Variants in DNER observed in about 807,000 individuals in gnomAD.
DNER encodes the protein delta and Notch-like epidermal growth factor-related receptor.
DNER carries 33 observed loss-of-function variants against 78.2 expected under a neutral mutation model. The ratio of observed to expected loss-of-function variants is 0.42; its 90% CI spans 0.32 to 0.56. The LOEUF is 0.56. Among genes scored for constraint, DNER ranks in the 20% least tolerant of loss-of-function variants. The pLI is 0.11. For missense variants in DNER, 918 were observed against 975.3 expected (o/e 0.94, Z 0.78); for synonymous variants, 417 against 384.8 (o/e 1.08, Z -0.98).
chr2:229,620,787 G>A (rs2154215477), intron 1 of DNER, among the ~76,000 whole-genome samples: 1 of 152,336 alleles, frequency 6.6e-6, no homozygotes, highest in South Asian at 2.1e-4. Context: ...GGGGTGATGA[G>A]ATGAAAAAGA....
intron 7 of DNER, among the ~76,000 whole-genome samples, chr2:229,454,315 G>A (rs891530001): frequency 1.3e-5 from 2 of 152,200 alleles, no homozygotes; most frequent in African/African-American, 2.4e-5. Context: ...ACAGGCCAGA[G>A]GGAGATTTTT....
At chr2:229,506,900 A>G (rs879301292) in intron 6 of DNER, among the ~76,000 whole-genome samples, 1 of 152,214 alleles carries the variant, frequency 6.6e-6, no homozygotes, top group Non-Finnish European at 1.5e-5. Flanking sequence ...TGATGGGGAT[A>G]TGTTTTAAGA....
intron 1 of DNER, among the ~76,000 whole-genome samples, chr2:229,631,512 A>G (rs1303408117): frequency 6.6e-6 from 1 of 152,220 alleles, no homozygotes; most frequent in Non-Finnish European, 1.5e-5. Flanking sequence ...GGGGAGTAGA[A>G]TTAGATCAGA....
At chr2:229,688,806 T>G (rs1699525240) in intron 1 of DNER, among the ~76,000 whole-genome samples, 1 of 152,132 alleles carries the variant, frequency 6.6e-6, no homozygotes, top group South Asian at 2.1e-4. Context: ...TGGAATACTA[T>G]GCAGCCATAA....
At chr2:229,413,530 C>T (rs1026907315) in intron 9 of DNER, among the ~76,000 whole-genome samples, 6 of 151,180 alleles carry the variant, frequency 4.0e-5, no homozygotes, top group African/African-American at 1.5e-4. Context: ...ACCATGTTAG[C>T]CAGGCTGGTC....
chr2:229,620,185 A>C (rs1335714680), intron 1 of DNER, among the ~76,000 whole-genome samples: 2 of 152,212 alleles, frequency 1.3e-5, no homozygotes, highest in Non-Finnish European at 2.9e-5. Flanking sequence ...CCTGGGCCGG[A>C]ATGTGATATG....
At chr2:229,483,253 A>G (rs181952855) in intron 6 of DNER, among the ~76,000 whole-genome samples, 2 of 152,356 alleles carry the variant, frequency 1.3e-5, no homozygotes, top group African/African-American at 4.8e-5. Context: ...TTGGGTCAAG[A>G]ACCACAGTTA....
chr2:229,413,249 C>T (rs991719748), intron 9 of DNER, among the ~76,000 whole-genome samples: 1 of 150,830 alleles, frequency 6.6e-6, no homozygotes, highest in African/African-American at 2.4e-5. Flanking sequence ...ACAATAATTG[C>T]AGCATTATAG....
At chr2:229,371,424 G>A (rs1476301300) in intron 11 of DNER, among the ~76,000 whole-genome samples, 1 of 152,236 alleles carries the variant, frequency 6.6e-6, no homozygotes, top group African/African-American at 2.4e-5. Flanking sequence ...ATCAGCCCCA[G>A]CAGGTGCATG....
At chr2:229,515,612 C>T (rs945070856) in intron 5 of DNER, among the ~76,000 whole-genome samples, 4 of 151,240 alleles carry the variant, frequency 2.6e-5, no homozygotes, top group African/African-American at 9.7e-5. Context: ...TTGAGAGCCC[C>T]AAATCAAATA....
intron 1 of DNER, among the ~76,000 whole-genome samples, chr2:229,613,044 C>T (rs7426347): frequency 0.059 from 8,914 of 152,226 alleles, 798 homozygotes; most frequent in African/African-American, 0.19. Flanking sequence ...TTAAAACATT[C>T]GCATTGTAAA....
chr2:229,467,895 G>T (rs1694836876), intron 7 of DNER, among the ~76,000 whole-genome samples: 1 of 152,184 alleles, frequency 6.6e-6, no homozygotes, highest in African/African-American at 2.4e-5. Flanking sequence ...AACCAAAGCA[G>T]GCAGGTTTTG....
chr2:229,419,931 A>T (rs1000036549), intron 8 of DNER, among the ~76,000 whole-genome samples: 1 of 147,820 alleles, frequency 6.8e-6, no homozygotes, highest in Admixed American at 6.9e-5. Context: ...TCTAGTAGGC[A>T]GAGTCAAGAG....
At chr2:229,443,833 C>T (rs550825290) in intron 8 of DNER, among the ~76,000 whole-genome samples, 9 of 152,252 alleles carry the variant, frequency 5.9e-5, no homozygotes, top group Admixed American at 3.3e-4. Flanking sequence ...AAGATGAAGA[C>T]GAGAAATTTC....
intron 10 of DNER, among the ~76,000 whole-genome samples, chr2:229,395,507 A>G (rs931673931): frequency 6.6e-6 from 1 of 152,170 alleles, no homozygotes; most frequent in African/African-American, 2.4e-5. Context: ...CCCAGGATTC[A>G]GTGTAAAATG....
chr2:229,644,479 C>A (rs1447860685), intron 1 of DNER, among the ~76,000 whole-genome samples: 1 of 151,632 alleles, frequency 6.6e-6, no homozygotes, highest in Non-Finnish European at 1.5e-5. Context: ...GTAATCCCAG[C>A]TACGCGGAAG....
intron 7 of DNER, among the ~76,000 whole-genome samples, chr2:229,470,844 C>T (rs11681756): frequency 6.6e-6 from 1 of 152,114 alleles, no homozygotes; most frequent in Non-Finnish European, 1.5e-5. Context: ...GAGCAAAATG[C>T]TGTTTCAAAC....
At chr2:229,559,632 G>C (rs917635679) in intron 4 of DNER, among the ~76,000 whole-genome samples, 2 of 152,092 alleles carry the variant, frequency 1.3e-5, no homozygotes, top group African/African-American at 2.4e-5. Flanking sequence ...AAAGACAGAA[G>C]AAAGGGAAGG....
At chr2:229,542,579 T>C (rs552201396) in intron 5 of DNER, among the ~76,000 whole-genome samples, 39 of 152,170 alleles carry the variant, frequency 2.6e-4, no homozygotes, top group African/African-American at 9.4e-4. Context: ...AATCACAAAA[T>C]ACAGTTCTAT....
Sources: allele counts gnomAD v4.1 joint callset (sites outside exome capture counted in the v4.1 genomes callset), GRCh38; gene constraint gnomAD v4.1.1; transcripts MANE v1.5; gene names NCBI Gene and HGNC (gene_info 2026-07-23, HGNC 2026-07-21).